UGT3A1: variants seen among roughly 807,000 people sequenced by gnomAD.
UGT3A1 encodes UDP-glycosyltransferase 3A1.
UGT3A1 carries 40 observed loss-of-function variants against 37.6 expected under a neutral mutation model. That is an observed-to-expected ratio of 1.06 (90% CI 0.83 to 1.38). The LOEUF (loss-of-function observed/expected upper bound fraction) is 1.38, where lower values mean the gene tolerates loss of function less well. UGT3A1 is among the 40% of genes most tolerant of loss of function. The probability of loss-of-function intolerance (pLI) is 0.00; values close to 1 mark genes in which losing one functional copy is unlikely to be tolerated. For missense variants in UGT3A1, 642 were observed against 634.2 expected (o/e 1.01, Z -0.13); for synonymous variants, 256 against 232.3 (o/e 1.10, Z -0.93).
intron 1 of UGT3A1, among the ~76,000 whole-genome samples, chr5:35,998,990 A>G (rs1253532116): frequency 6.6e-6 from 1 of 152,118 alleles, no homozygotes; most frequent in Non-Finnish European, 1.5e-5. Flanking sequence ...TAATCCCAGC[A>G]CTTTCGGAGG....
intron 1 of UGT3A1, among the ~76,000 whole-genome samples, chr5:35,997,852 G>A (rs1741132937): frequency 1.3e-5 from 2 of 152,080 alleles, no homozygotes; most frequent in South Asian, 4.2e-4. Context: ...AGCCATCAAG[G>A]GACACAAAGT....
chr5:35,992,139 A>G (rs908108904), upstream of UGT3A1, among the ~76,000 whole-genome samples: 1 of 152,202 alleles, frequency 6.6e-6, no homozygotes, highest in Non-Finnish European at 1.5e-5. Context: ...AAATCCTTCA[A>G]TGGATTATAT....
rs554688061 is a variant in UGT3A1 at position 35,990,016 on chromosome 5, C to T, written c.94+1131G>A. Among the ~76,000 whole-genome samples, 5 of 151,166 alleles carry T rather than the reference C, an allele frequency of 3.3e-5. No individual in the cohort carries two copies. The South Asian group carries it at 8.4e-4, about 25-fold the overall frequency. ...CTGAGGCAGGAGAATGGCGTGAACC[C>T]GGGAGGCGGAGCTTGCAGTGAGTTG... On this transcript the variant is annotated intron_variant, in intron 1 of 6. Transcript: ENST00000274278.
chr5:35,967,526 T>C (rs892799860), intron 3 of UGT3A1, among the ~76,000 whole-genome samples: 8 of 152,340 alleles, frequency 5.3e-5, no homozygotes, highest in Non-Finnish European at 1.2e-4. Flanking sequence ...GTTCAAGGTG[T>C]GAAAAATCAA....
intron 2 of UGT3A1, among the ~76,000 whole-genome samples, chr5:35,977,001 AAAG>A (rs1395116342): frequency 6.7e-6 from 1 of 148,190 alleles, no homozygotes; most frequent in Non-Finnish European, 1.5e-5. Flanking sequence ...GAAAGAAAGA[AAAG>A]AAAGAAAGAA....
chr5:35,964,184 A>G (rs10472991), intron 4 of UGT3A1, among the ~76,000 whole-genome samples: 86,366 of 151,836 alleles, frequency 0.57, 25,072 homozygotes, highest in Middle Eastern at 0.63. Context: ...AGCATCTGTT[A>G]TCTCATAATC....
At chr5:35,993,669 T>G (rs1741022067), upstream of UGT3A1, among the ~76,000 whole-genome samples, 6 of 152,174 alleles carry the variant, frequency 3.9e-5, no homozygotes, top group Admixed American at 3.9e-4. Context: ...TCTCCTAAAA[T>G]GATTGAGGCT....
chr5:35,954,172 C>T lies in UGT3A1; in HGVS notation c.*30G>A. ...GAGAACCTTCAAAGGACCAGGGATG[C>T]CCTCCCCTCACCCAAGGCTACACCT... On this transcript the variant is annotated 3_prime_UTR_variant, in exon 7 of 7. Coordinates refer to ENST00000274278, the MANE Select transcript of UGT3A1 (RefSeq NM_152404.4). The T allele has an allele frequency of 6.2e-7, 1 of 1,602,440 alleles. No individual in the cohort carries two copies. Among genetic ancestry groups the T allele is most frequent in the Middle Eastern group, 1.7e-4 (1 of 5,722 alleles).
intron 2 of UGT3A1, 31 bp from the exon 3 acceptor site, chr5:35,968,164 A>AAT (rs764846552): frequency 7.5e-7 from 1 of 1,326,392 alleles, no homozygotes; most frequent in Non-Finnish European, 1.1e-6. Context: ...TAAAAAGGTA[A>AAT]ATATATCATA....
chr5:35,999,589 C>A (rs1741175132), intron 1 of UGT3A1, among the ~76,000 whole-genome samples: 1 of 152,116 alleles, frequency 6.6e-6, no homozygotes, highest in Non-Finnish European at 1.5e-5. Context: ...ATATCAGGTG[C>A]CCTTATGGAA....
At chr5:35,981,502 C>T (rs992671883) in intron 2 of UGT3A1, among the ~76,000 whole-genome samples, 3 of 152,200 alleles carry the variant, frequency 2.0e-5, no homozygotes, top group Non-Finnish European at 4.4e-5. Flanking sequence ...TGTGACCTTG[C>T]TCTAGAGATC....
chr5:35,998,199 T>G (rs1191856957), intron 1 of UGT3A1, among the ~76,000 whole-genome samples: 3 of 152,164 alleles, frequency 2.0e-5, no homozygotes, highest in Non-Finnish European at 2.9e-5. Flanking sequence ...AACTACAAAT[T>G]TCCTTTCTCC....
chr5:35,964,150 A>G (rs1222324898), intron 4 of UGT3A1, among the ~76,000 whole-genome samples: 2 of 152,176 alleles, frequency 1.3e-5, no homozygotes, highest in Non-Finnish European at 2.9e-5. Flanking sequence ...AAATAATCAA[A>G]AAGAGAAAAA....
intron 2 of UGT3A1, among the ~76,000 whole-genome samples, chr5:35,982,332 T>A (rs1007494620): frequency 6.6e-6 from 1 of 152,192 alleles, no homozygotes; most frequent in African/African-American, 2.4e-5. Flanking sequence ...AAAGCAGCCA[T>A]AGGGGCTATA....
intron 2 of UGT3A1, among the ~76,000 whole-genome samples, chr5:35,972,686 G>A (rs1344432671): frequency 6.6e-6 from 1 of 152,008 alleles, no homozygotes; most frequent in Non-Finnish European, 1.5e-5. Flanking sequence ...GGCATTAGGT[G>A]GCAATCATTG....
chr5:35,962,842 C>G (rs761839475), intron 4 of UGT3A1: 3 of 701,540 alleles, frequency 4.3e-6, no homozygotes, highest in East Asian at 5.4e-5. Context: ...GATACACAGG[C>G]TAGGAGGTGT....
In UGT3A1 at chr5:35,991,345, C is replaced by A; in HGVS notation, c.-105G>T. On this transcript the variant is annotated 5_prime_UTR_variant, in exon 1 of 7. The change creates a new upstream start codon in the 5' untranslated region. Transcript: ENST00000274278. ...TACTCCAAAGGCACTGGCTGTGGGC[C>A]TAGGAAGAGGTAGGAGACGGATCCT... 1 of 1,544,222 alleles carries A rather than the reference C, an allele frequency of 6.5e-7. No individual in the cohort carries two copies. Among genetic ancestry groups the A allele is most frequent in the South Asian group, 1.3e-5 (1 of 79,602 alleles).
chr5:35,954,696 A>C, intron 6 of UGT3A1: 1 of 583,912 alleles, frequency 1.7e-6, no homozygotes. Context: ...ACCAATGATT[A>C]ATTCTAAAAG....
intron 2 of UGT3A1, among the ~76,000 whole-genome samples, chr5:35,982,675 T>C (rs1458582700): frequency 6.6e-6 from 1 of 152,222 alleles, no homozygotes; most frequent in Non-Finnish European, 1.5e-5. Flanking sequence ...GAATTAAGGC[T>C]GGAATGAGTT....
Sources: allele counts gnomAD v4.1 joint callset (sites outside exome capture counted in the v4.1 genomes callset), GRCh38; gene constraint gnomAD v4.1.1; transcripts MANE v1.5; gene names NCBI Gene and HGNC (gene_info 2026-07-23, HGNC 2026-07-21).